Variants in PCDH7 observed in about 807,000 individuals in gnomAD.
The protein encoded by PCDH7 is protocadherin 7, also known as protocadherin-7.
PCDH7 carries 17 observed loss-of-function variants against 58.9 expected under a neutral mutation model. That is an observed-to-expected ratio of 0.29 (90% CI 0.20 to 0.43). The LOEUF (loss-of-function observed/expected upper bound fraction) is 0.43. Ranked by LOEUF, PCDH7 falls within the 20% of genes least tolerant of loss-of-function variation. The probability of loss-of-function intolerance (pLI) is 1.00; values close to 1 mark genes in which losing one functional copy is unlikely to be tolerated. For missense variants in PCDH7, 1,274 were observed against 1,441.0 expected, an observed-to-expected ratio of 0.88 and a Z score of 1.88; for synonymous variants, 664 against 616.4, an observed-to-expected ratio of 1.08 and a Z score of -1.14.
At chr4:30,964,366 C>T (rs1033462908) in intron 3 of PCDH7, among the ~76,000 whole-genome samples, 1 of 151,730 alleles carries the variant, frequency 6.6e-6, no homozygotes, top group Admixed American at 6.6e-5. Context: ...CTCAGCCTCC[C>T]GAGTAGCTGG....
At chr4:30,728,636 G>T (rs1714999910) in intron 1 of PCDH7, among the ~76,000 whole-genome samples, 1 of 151,660 alleles carries the variant, frequency 6.6e-6, no homozygotes, top group Non-Finnish European at 1.5e-5. Flanking sequence ...CAATGAATTT[G>T]CAAATTTATA....
chr4:30,943,017 G>A (rs894724448), intron 2 of PCDH7, among the ~76,000 whole-genome samples: 1 of 151,724 alleles, frequency 6.6e-6, no homozygotes. Flanking sequence ...GAGAACATAG[G>A]GTGACACTGG....
chr4:31,118,287 A>T (rs186455883), intron 3 of PCDH7, among the ~76,000 whole-genome samples: 3 of 152,264 alleles, frequency 2.0e-5, no homozygotes, highest in East Asian at 1.9e-4. Context: ...TAGCACTCAG[A>T]TTTACTTTGA....
rs755362296 is a variant in PCDH7 at position 30,722,442 on chromosome 4, C to T, written c.1020C>T (p.Asn340=). Residue 340 remains asparagine, a synonymous_variant, in exon 1 of 2, where the codon AAC becomes AAT. Transcript: ENST00000361762. This position sits in a 1 kb window ranked among gnomAD's most constrained non-coding sequence, Gnocchi z 7.6. ...CAGCCGACTTGGACGTGGGGGTCAA[C>T]GGGCAGATCGAATACGTGTTCGGGG... 2 of 1,612,122 alleles carry T rather than the reference C, an allele frequency of 1.2e-6. No homozygotes were observed. Among genetic ancestry groups the T allele is most frequent in the South Asian group, 1.1e-5 (1 of 91,030 alleles).
chr4:30,799,964 C>G (rs1479186835), intron 1 of PCDH7, among the ~76,000 whole-genome samples: 1 of 151,778 alleles, frequency 6.6e-6, no homozygotes, highest in Non-Finnish European at 1.5e-5. Context: ...TGCGATTCTT[C>G]CGCCTCAGCC....
intron 3 of PCDH7, among the ~76,000 whole-genome samples, chr4:31,010,810 G>T (rs1753117262): frequency 6.6e-6 from 1 of 151,752 alleles, no homozygotes; most frequent in African/African-American, 2.4e-5. Flanking sequence ...AAGAAAAAAG[G>T]TCTCAAAAAT....
intron 1 of PCDH7, among the ~76,000 whole-genome samples, chr4:30,726,106 T>C (rs185718941): frequency 5.3e-4 from 81 of 152,226 alleles, no homozygotes; most frequent in African/African-American, 1.8e-3. Flanking sequence ...GTTGTATTAT[T>C]GTGTTACATG....
At chr4:30,834,723 C>T (rs79848533) in intron 1 of PCDH7, among the ~76,000 whole-genome samples, 4,030 of 151,272 alleles carry the variant, frequency 0.027, 125 homozygotes, top group East Asian at 0.14. Context: ...CAAAAATCAG[C>T]TTTTTCCCTT....
At chr4:30,980,768 C>T (rs1319237032) in intron 3 of PCDH7, among the ~76,000 whole-genome samples, 1 of 152,130 alleles carries the variant, frequency 6.6e-6, no homozygotes, top group African/African-American at 2.4e-5. Flanking sequence ...AATCAATTTT[C>T]GTTAATTTCT....
chr4:30,933,993 T>A (rs1745010588), intron 2 of PCDH7, among the ~76,000 whole-genome samples: 1 of 152,204 alleles, frequency 6.6e-6, no homozygotes, highest in South Asian at 2.1e-4. Flanking sequence ...GGAACCATAT[T>A]TTATCAGTTT....
intron 3 of PCDH7, among the ~76,000 whole-genome samples, chr4:31,008,735 T>G (rs1171546719): frequency 5.9e-5 from 9 of 152,092 alleles, no homozygotes; most frequent in Non-Finnish European, 1.2e-4. Context: ...GCCTGCCATG[T>G]TTTTTTGTCC....
chr4:30,918,371 T>C lies in PCDH7; in HGVS notation c.71-1782T>C, dbSNP rs183427134. Among the ~76,000 whole-genome samples the C allele has an allele frequency of 3.6e-4, 55 of 152,206 alleles. No individual in the cohort carries two copies. In the East Asian group the frequency reaches 0.01, roughly 29 times the overall value. On this transcript the variant is annotated intron_variant, in intron 1 of 3. Transcript: ENST00000509759. Reference sequence around the variant, plus strand: ...GTGAGGGTTGGGAGAAAAGAAAATATGCACACACAGGTAAAAATGAGAGTA... The same window carrying C: ...GTGAGGGTTGGGAGAAAAGAAAATACGCACACACAGGTAAAAATGAGAGTA...
intron 3 of PCDH7, among the ~76,000 whole-genome samples, chr4:31,073,999 T>G (rs186204133): frequency 7.9e-4 from 120 of 152,078 alleles, no homozygotes; most frequent in African/African-American, 2.8e-3. Flanking sequence ...CACAGCAAGA[T>G]CAACACCCCA....
intron 1 of PCDH7, among the ~76,000 whole-genome samples, chr4:30,876,674 A>G (rs1316877946): frequency 6.6e-6 from 1 of 152,018 alleles, no homozygotes; most frequent in Non-Finnish European, 1.5e-5. Flanking sequence ...AAGTGAAGCA[A>G]AGGTACATAA....
intron 3 of PCDH7, among the ~76,000 whole-genome samples, chr4:31,048,538 G>A (rs1028109228): frequency 2.6e-5 from 4 of 152,056 alleles, no homozygotes; most frequent in Non-Finnish European, 5.9e-5. Context: ...GAATTACTTT[G>A]CAGGCTTTCT....
At chr4:31,103,050 T>A (rs1715096961) in intron 3 of PCDH7, among the ~76,000 whole-genome samples, 1 of 152,194 alleles carries the variant, frequency 6.6e-6, no homozygotes, top group Non-Finnish European at 1.5e-5. Flanking sequence ...ATGTGGCATA[T>A]AGAAAAAATA....
At chr4:30,737,979 T>C (rs796860631) in intron 1 of PCDH7, among the ~76,000 whole-genome samples, 3 of 152,294 alleles carry the variant, frequency 2.0e-5, no homozygotes, top group African/African-American at 7.2e-5. Flanking sequence ...CAGTTTCTGA[T>C]GAGGTCTCTC....
chr4:31,076,344 T>G (rs1385727271), intron 3 of PCDH7, among the ~76,000 whole-genome samples: 2 of 152,224 alleles, frequency 1.3e-5, no homozygotes, highest in Non-Finnish European at 2.9e-5. Context: ...TTATTTAAAT[T>G]CCTTTTGTGG....
chr4:31,032,845 T>C (rs1208014832), intron 3 of PCDH7, among the ~76,000 whole-genome samples: 1 of 152,218 alleles, frequency 6.6e-6, no homozygotes, highest in East Asian at 1.9e-4. Flanking sequence ...AATTTTGTCA[T>C]GAAATGATGT....
Sources: gnomAD v4.1 joint callset for allele counts (sites outside exome capture counted in the v4.1 genomes callset) on GRCh38, gnomAD v4.1.1 for gene constraint, Gnocchi (gnomAD v3.1) non-coding constraint, MANE v1.5 for transcripts, NCBI Gene and HGNC (gene_info 2026-07-23, HGNC 2026-07-21) for gene names.